The following TBCD variants were observed in gnomAD, a reference collection of about 807,000 sequenced individuals.
TBCD encodes the protein tubulin folding cofactor D, also known as tubulin-specific chaperone D.
TBCD carries 105 observed loss-of-function variants against 169.3 expected under a neutral mutation model. That is an observed-to-expected ratio of 0.62 (90% confidence interval 0.53 to 0.73). TBCD has a LOEUF of 0.73. Ranked by LOEUF, TBCD falls within the 30% of genes least tolerant of loss-of-function variation. The pLI, the probability that TBCD is intolerant of heterozygous loss-of-function variation, is 0.00. For synonymous variants in TBCD, 700 were observed against 643.9 expected, an observed-to-expected ratio of 1.09 and a Z score of -1.32; for missense variants, 1,444 against 1,600.1, an observed-to-expected ratio of 0.90 and a Z score of 1.66.
intron 14 of TBCD, chr17:82,876,945 T>G: frequency 1.0e-6 from 1 of 985,296 alleles, no homozygotes; most frequent in Non-Finnish European, 1.2e-6. Context: ...GCTGTTGAAG[T>G]GGACTGAACA....
At chr17:82,758,798 T>C (rs947883045) in intron 2 of TBCD, among the ~76,000 whole-genome samples, 22 of 151,602 alleles carry the variant, frequency 1.5e-4, no homozygotes, top group African/African-American at 5.1e-4. Flanking sequence ...TAGCTGGGAT[T>C]ACAGGCGTGT....
At chr17:82,775,395 G>C (rs898511590) in intron 6 of TBCD, among the ~76,000 whole-genome samples, 6 of 152,198 alleles carry the variant, frequency 3.9e-5, no homozygotes, top group Non-Finnish European at 7.3e-5. Flanking sequence ...ACTCACCGCA[G>C]GTTCTGAGTT....
At chr17:82,857,711 T>A (rs564576325) in intron 13 of TBCD, among the ~76,000 whole-genome samples, 2 of 151,502 alleles carry the variant, frequency 1.3e-5, no homozygotes, top group East Asian at 3.9e-4. Flanking sequence ...ACAGGAGCCA[T>A]ACAAATGATA....
chr17:82,800,127 C>G (rs1466973592), intron 8 of TBCD, among the ~76,000 whole-genome samples: 2 of 151,930 alleles, frequency 1.3e-5, no homozygotes, highest in Non-Finnish European at 2.9e-5. Context: ...TTCTCCTGTC[C>G]CCTGTCAGTT....
Position 82,889,808 on chromosome 17 carries a change from C to A in TBCD, c.1563+111C>A. On this transcript the variant is annotated intron_variant, in intron 16 of 38. Coordinates refer to ENST00000355528, the MANE Select transcript of TBCD (RefSeq NM_005993.5). The surrounding 1 kb of genome is among the most constrained non-coding windows in gnomAD (Gnocchi z 5.3). ...TCTCGCACTGTGAGATGTGGTGTGGCTACATCAATGCCAGGGTCATGAGTT... is the reference window on the plus strand; with the variant it reads ...TCTCGCACTGTGAGATGTGGTGTGGATACATCAATGCCAGGGTCATGAGTT... 1.6e-6 allele frequency: 2 copies of A among 1,275,132 alleles called. No individual in the cohort carries two copies. The highest frequency in any genetic ancestry group is 2.3e-5 in the Admixed American group (1 of 43,078). The allele number at this position is 1,275,132 out of a possible 1,614,324, so 79.0% of individuals were successfully genotyped here. A position where few individuals can be genotyped will look rare whatever the true frequency, so the allele number is the denominator to read the frequency against.
intron 13 of TBCD, among the ~76,000 whole-genome samples, chr17:82,848,266 CT>C (rs1376536286): frequency 6.6e-6 from 1 of 152,226 alleles, no homozygotes; most frequent in East Asian, 1.9e-4. Context: ...GGGCGAGCGG[CT>C]TTTGGTTTCT....
rs34566230 is a variant in TBCD, at chr17:82,831,548, C to G, written c.1318+16614C>G. On this transcript the variant is annotated intron_variant, in intron 13 of 38. Coordinates refer to ENST00000355528, the MANE Select transcript of TBCD (RefSeq NM_005993.5). The surrounding 1 kb of genome is among the most constrained non-coding windows in gnomAD (Gnocchi z 4.6). ...TATTGCTGGAAAAACCTGTAGTGAT[C>G]GTATGTGGCTGGAGATGGAGCCAGG... is the stretch of plus-strand genomic sequence containing the variant. 1.2e-6 allele frequency: 2 copies of G among 1,614,048 alleles called. No individual in the cohort carries two copies. The highest frequency in any genetic ancestry group is 1.7e-6 in the Non-Finnish European group (2 of 1,180,002).
At chr17:82,799,096 C>T (rs752933402) in intron 8 of TBCD, among the ~76,000 whole-genome samples, 12 of 152,180 alleles carry the variant, frequency 7.9e-5, no homozygotes, top group South Asian at 4.1e-4. Context: ...TTTTTCTCCA[C>T]GCAGAGGTTT....
intron 13 of TBCD, among the ~76,000 whole-genome samples, chr17:82,817,484 A>T (rs566558393): frequency 6.6e-5 from 10 of 152,018 alleles, no homozygotes; most frequent in Non-Finnish European, 1.2e-4. Context: ...TTTTATAGAG[A>T]TGGGGTTTTC....
chr17:82,880,954 GCT>G lies in TBCD; in HGVS notation c.1476-3188_1476-3187del, dbSNP rs1567947468. On this transcript the variant is annotated intron_variant, in intron 14 of 38. Coordinates refer to ENST00000355528, the MANE Select transcript of TBCD (RefSeq NM_005993.5). The surrounding 1 kb of genome is among the most constrained non-coding windows in gnomAD (Gnocchi z 5.0). ...GGGAAGGAGGCCGTGTACTCCCATA[GCT>G]CTGGGCTCTGTTTGTGGCTGTGGCC... Among the ~76,000 whole-genome samples the G allele has an allele frequency of 1.3e-5, 2 of 152,194 alleles. No homozygotes were observed.
At chr17:82,927,149 G>A (rs770506650) in intron 28 of TBCD, 37 bp from the exon 29 acceptor site, 117 of 1,612,766 alleles carry the variant, frequency 7.3e-5, no homozygotes, top group Non-Finnish European at 9.1e-5. Flanking sequence ...GAGGCTCACC[G>A]ATGTTTGTTT....
chr17:82,932,595 ATT>A, intron 33 of TBCD, 61 bp from the exon 34 acceptor site: 1 of 1,386,264 alleles, frequency 7.2e-7, no homozygotes, highest in Non-Finnish European at 1.0e-6. Flanking sequence ...ACTCTCAGCC[ATT>A]CAGGGAGTTG....
At chr17:82,941,580 C>A in intron 38 of TBCD, 97 bp downstream of exon 38, 1 of 1,089,724 alleles carries the variant, frequency 9.2e-7, no homozygotes, top group Admixed American at 2.2e-5. Flanking sequence ...GCCAGCACGT[C>A]CACACGGCCC....
intron 30 of TBCD, 61 bp downstream of exon 30, chr17:82,928,049 G>T: frequency 6.7e-7 from 1 of 1,482,710 alleles, no homozygotes; most frequent in Non-Finnish European, 9.3e-7. Context: ...TGGGGAGGCT[G>T]GCGGGGCGGG....
Position 82,831,097 on chromosome 17 carries a change from G to A in TBCD, c.1318+16163G>A. On this transcript the variant is annotated intron_variant, in intron 13 of 38. Coordinates refer to ENST00000355528, the MANE Select transcript of TBCD (RefSeq NM_005993.5). This position sits in a 1 kb window ranked among gnomAD's most constrained non-coding sequence, Gnocchi z 4.6. ...GCTTTTCTTAACAGGCCTGAAGGCT[G>A]TGAGGCTTTGCTCTGGCGGGTAGAG... The A allele has an allele frequency of 6.2e-7, 1 of 1,614,218 alleles. No individual in the cohort carries two copies. The highest frequency in any genetic ancestry group is 8.5e-7 in the Non-Finnish European group (1 of 1,180,030).
intron 23 of TBCD, chr17:82,913,731 G>C (rs974593364): frequency 2.0e-5 from 3 of 152,420 alleles, no homozygotes; most frequent in African/African-American, 4.8e-5. Flanking sequence ...TGTGGTTAGG[G>C]CAGCCACATT....
At chr17:82,830,582 C>T (rs1302090910) in intron 13 of TBCD, 3 of 1,614,082 alleles carry the variant, frequency 1.9e-6, no homozygotes, top group Non-Finnish European at 2.5e-6. Context: ...ACAGCAGCAG[C>T]AGGTTCTGCA....
In TBCD at chr17:82,903,773, C is replaced by T. The variant is rs1360246760; in HGVS notation, c.1804+295C>T. 6.6e-6 allele frequency among the ~76,000 whole-genome samples: 1 copy of T among 151,456 alleles called. No homozygotes were observed. Among genetic ancestry groups the T allele is most frequent in the East Asian group, 1.9e-4 (1 of 5,138 alleles). On this transcript the variant is annotated intron_variant, in intron 19 of 38. Transcript: ENST00000355528. The surrounding 1 kb of genome is among the most constrained non-coding windows in gnomAD (Gnocchi z 4.8). Reference sequence around the variant, plus strand: ...GCTTCCCTGGTCTCTAGGTGGCTCGCACCTGCCACACGACACTCCCTGGTC... The same window carrying T: ...GCTTCCCTGGTCTCTAGGTGGCTCGTACCTGCCACACGACACTCCCTGGTC...
rs183311417 is a variant in TBCD at position 82,922,593 on chromosome 17, G to A, written c.2178+1016G>A. ...ACCGTTCTACTAATTGAATTTGAAT[G>A]CATCATGATCAGTGCCTCAAAATTT... On this transcript the variant is annotated intron_variant, in intron 25 of 38. Coordinates refer to ENST00000355528, the MANE Select transcript of TBCD (RefSeq NM_005993.5). This position sits in a 1 kb window ranked among gnomAD's most constrained non-coding sequence, Gnocchi z 4.1. Among the ~76,000 whole-genome samples, 23 of 152,030 alleles carry A rather than the reference G, an allele frequency of 1.5e-4. No homozygotes were observed. The East Asian group carries it at 4.4e-3, about 29-fold the overall frequency.
Sources: gnomAD v4.1 joint callset for allele counts (sites outside exome capture counted in the v4.1 genomes callset) on GRCh38, gnomAD v4.1.1 for gene constraint, Gnocchi (gnomAD v3.1) non-coding constraint, MANE v1.5 for transcripts, NCBI Gene and HGNC (gene_info 2026-07-23, HGNC 2026-07-21) for gene names.